Variants in DISP2 observed in about 807,000 individuals in gnomAD.
DISP2 encodes the protein dispatched RND transporter family member 2.
DISP2 carries 59 observed loss-of-function variants against 95.5 expected under a neutral mutation model. That is an observed-to-expected ratio of 0.62 (90% CI 0.50 to 0.77). The LOEUF is 0.77. Among genes scored for constraint, DISP2 ranks in the 30% least tolerant of loss-of-function variants. The pLI is 0.00. For missense variants in DISP2, 1,752 were observed against 1,854.6 expected (o/e 0.94, Z 1.02); for synonymous variants, 827 against 815.0 (o/e 1.01, Z -0.25).
At chr15:40,360,028 T>G (rs1440688922) in intron 1 of DISP2, among the ~76,000 whole-genome samples, 1 of 152,232 alleles carries the variant, frequency 6.6e-6, no homozygotes, top group Non-Finnish European at 1.5e-5. Context: ...GGGGGTATAG[T>G]TAATGCGATA....
rs751315935 is a variant in DISP2 at position 40,370,075 on chromosome 15, T to C, written c.3963T>C (p.Asp1321=). 1.2e-6 allele frequency: 2 copies of C among 1,613,672 alleles called. No homozygotes were observed. The highest frequency in any genetic ancestry group is 1.7e-6 in the Non-Finnish European group (2 of 1,179,776). Residue 1321 remains aspartate (D), a synonymous_variant, in exon 8 of 8, where the codon GAT becomes GAC. Coordinates refer to ENST00000267889, the MANE Select transcript of DISP2 (RefSeq NM_033510.3). ...DSVGVSPDDL[D]DTGQPVLERG... The stretch of plus-strand genomic sequence containing the variant: ...TGGGTGTGTCCCCAGATGACCTGGA[T>C]GACACTGGGCAGCCAGTCCTTGAGC...
chr15:40,359,922 T>A (rs780295341), intron 1 of DISP2, among the ~76,000 whole-genome samples: 2 of 152,256 alleles, frequency 1.3e-5, no homozygotes, highest in Non-Finnish European at 2.9e-5. Flanking sequence ...TAAAATTACC[T>A]TTTTATTTTC....
At position 40,363,802 on chromosome 15, in the gene DISP2, G is replaced by T. The variant is rs905527822; in HGVS notation, c.297G>T (p.Leu99=). The change falls in exon 2 of 8, where the codon CTG becomes CTT. Residue 99 remains leucine (L), a synonymous_variant. Transcript: ENST00000267889. ...CCCACTTCACCTATCCCCGGGCACT[G>T]CAGGAATACCAGGGGGGCAGTTCCC... is the stretch of plus-strand genomic sequence containing the variant. ...APAHFTYPRA[L]QEYQGGSSLP... The T allele has an allele frequency of 3.7e-6, 6 of 1,612,638 alleles. No individual in the cohort carries two copies. The African/African-American group carries it at 6.7e-5, about 18-fold the overall frequency.
rs1011121379 is a variant in DISP2, at chr15:40,373,221, T to A, written c.*2903T>A. On this transcript the variant is annotated 3_prime_UTR_variant, in exon 8 of 8. Coordinates refer to ENST00000267889, the MANE Select transcript of DISP2 (RefSeq NM_033510.3). ...CTGGAGACATGGCTTACAAGCACGC[T>A]GTGAGGCGTACAAAAATGAGTCAAA... is the stretch of plus-strand genomic sequence containing the variant. 6.6e-6 allele frequency: 1 copy of A among 152,184 alleles called. No homozygotes were observed. Among genetic ancestry groups the A allele is most frequent in the African/African-American group, 2.4e-5 (1 of 41,430 alleles). 9.4% of individuals were successfully genotyped at this position (152,184 alleles called of 1,614,324 possible). A position where few individuals can be genotyped will look rare whatever the true frequency, so the allele number is the denominator to read the frequency against.
In DISP2 at chr15:40,370,383, A is replaced by G. The variant is rs1274254599; in HGVS notation, c.*65A>G. ...CATGGATGACAAGGCAAGGGCAGCA[A>G]TAGGCTGGAGCCCGAAGGTATTTCT... On this transcript the variant is annotated 3_prime_UTR_variant, in exon 8 of 8. Coordinates refer to ENST00000267889, the MANE Select transcript of DISP2 (RefSeq NM_033510.3). 4.0e-6 allele frequency: 6 copies of G among 1,503,562 alleles called. No homozygotes were observed. In the African/African-American group the frequency reaches 5.6e-5, roughly 14 times the overall value. The allele number at this position is 1,503,562 out of a possible 1,614,324, so 93.1% of individuals were successfully genotyped here. A position where few individuals can be genotyped will look rare whatever the true frequency, so the allele number is the denominator to read the frequency against.
Position 40,375,347 on chromosome 15 carries a change from G to A in DISP2, c.*5029G>A, listed in dbSNP as rs756280320. The A allele has an allele frequency of 6.6e-5, 10 of 152,144 alleles. No homozygotes were observed. The highest frequency in any genetic ancestry group is 1.4e-4 in the African/African-American group (6 of 41,432). 9.4% of individuals were successfully genotyped at this position (152,144 alleles called of 1,614,324 possible). A position where few individuals can be genotyped will look rare whatever the true frequency, so the allele number is the denominator to read the frequency against. ...TCAAACAAACAAGAGCTTTAATATTGCTAAAGAAAATCACACAGCTGAGCA... is the reference window on the plus strand; with the variant it reads ...TCAAACAAACAAGAGCTTTAATATTACTAAAGAAAATCACACAGCTGAGCA... On this transcript the variant is annotated 3_prime_UTR_variant, in exon 8 of 8. Coordinates refer to ENST00000267889, the MANE Select transcript of DISP2 (RefSeq NM_033510.3).
In DISP2 at chr15:40,369,283, C is replaced by T; in HGVS notation, c.3171C>T (p.Arg1057=). ...TGAGCCGTGTGGCCTTCTCTCTGCG[C>T]CAGACCAGCTGCGCCACAGCCGTGG... ...DRLSRVAFSL[R]QTSCATAVGA... Residue 1057 remains arginine (R), a synonymous_variant, in exon 8 of 8, where the codon CGC becomes CGT. Transcript: ENST00000267889. 1 of 1,613,728 alleles carries T rather than the reference C, an allele frequency of 6.2e-7. No homozygotes were observed. Among genetic ancestry groups the T allele is most frequent in the Non-Finnish European group, 8.5e-7 (1 of 1,180,026 alleles).
Position 40,367,154 on chromosome 15 carries a change from TC to T in DISP2, c.1044del (p.Asn349ThrfsTer73), listed in dbSNP as rs1033379595. Reference protein sequence around the residue: ...WSLGNYLAVLSNRSSCLDTTQ... With the variant: ...WSLGNYLAVLXNRSSCLDTTQ... ...CCTGGGCAACTATCTGGCTGTGCTC[TC>T]CAACCGCTCCTCCTGCCTGGACACT... On this transcript the variant is annotated frameshift_variant, in exon 8 of 8. Transcript: ENST00000267889. LOFTEE classifies it high-confidence loss of function. The T allele has an allele frequency of 6.2e-7, 1 of 1,613,948 alleles. No individual in the cohort carries two copies. The highest frequency in any genetic ancestry group is 8.5e-7 in the Non-Finnish European group (1 of 1,179,992).
rs755998251 is a variant in DISP2, at chr15:40,365,164, C to T, written c.737C>T (p.Thr246Ile). The change falls in exon 6 of 8, where the codon ACT (threonine) becomes ATT (isoleucine). Residue 246 changes from threonine to isoleucine, a missense_variant. By Grantham distance (89) the Thr-to-Ile change is moderately conservative. Transcript: ENST00000267889. Reference protein sequence around the residue: ...LELNSSSSHNTLRPAPRGSAQ... With the variant: ...LELNSSSSHNILRPAPRGSAQ... ...CACTTCAGCTCGAGCTCCCACAACA[C>T]TCTGAGGCCTGCACCCAGAGGCAGT... 6.2e-7 allele frequency: 1 copy of T among 1,614,114 alleles called. No homozygotes were observed. The highest frequency in any genetic ancestry group is 1.1e-5 in the South Asian group (1 of 91,088).
Position 40,375,450 on chromosome 15 carries a change from T to A in DISP2, c.*5132T>A, listed in dbSNP as rs888833071. 2.0e-5 allele frequency: 3 copies of A among 152,030 alleles called. No individual in the cohort carries two copies. The highest frequency in any genetic ancestry group is 7.3e-5 in the African/African-American group (3 of 41,350). The allele number at this position is 152,030 out of a possible 1,614,324, so 9.4% of individuals were successfully genotyped here. A position where few individuals can be genotyped will look rare whatever the true frequency, so the allele number is the denominator to read the frequency against. On this transcript the variant is annotated 3_prime_UTR_variant, in exon 8 of 8. Transcript: ENST00000267889. ...CTGCCTAGCTAGTATTCATTCTAGC[T>A]ACTAGTTTTGATTATTTGTATTGAC...
rs1233402831 is a variant in DISP2, at chr15:40,365,140, A to C, written c.720-7A>C. The C allele has an allele frequency of 1.9e-6, 3 of 1,612,888 alleles. No homozygotes were observed. The highest frequency in any genetic ancestry group is 1.7e-5 in the Admixed American group (1 of 59,810). On this transcript the variant is annotated splice_region_variant and splice_polypyrimidine_tract_variant and intron_variant, in intron 5 of 7. Coordinates refer to ENST00000267889, the MANE Select transcript of DISP2 (RefSeq NM_033510.3). The stretch of plus-strand genomic sequence containing the variant: ...GGTGCCTGGCATAGATATTCTCTCC[A>C]CTTCAGCTCGAGCTCCCACAACACT...
intron 1 of DISP2, among the ~76,000 whole-genome samples, chr15:40,360,525 T>C (rs139367026): frequency 1.2e-3 from 188 of 151,994 alleles, no homozygotes; most frequent in Middle Eastern, 0.01. Flanking sequence ...TGAAGAGGAA[T>C]AGTAGGAGTT....
At position 40,367,935 on chromosome 15, in the gene DISP2, A is replaced by G; in HGVS notation, c.1823A>G (p.Tyr608Cys). 2 of 1,589,726 alleles carry G rather than the reference A, an allele frequency of 1.3e-6. No individual in the cohort carries two copies. The highest frequency in any genetic ancestry group is 1.7e-6 in the Non-Finnish European group (2 of 1,175,984). The change falls in exon 8 of 8, where the codon TAC (tyrosine) becomes TGC (cysteine). Residue 608 changes from tyrosine to cysteine, a missense_variant. Coordinates refer to ENST00000267889, the MANE Select transcript of DISP2 (RefSeq NM_033510.3). ...ACGAGCGCGGCCTTCTATGCCAGCT[A>G]CCTGAGCCGCCTGCCGGCCGTTCGC... The part of the protein sequence containing the change: ...LTTSAAFYAS[Y>C]LSRLPAVRCL...
rs1889536079 is a variant in DISP2, at chr15:40,367,947, T to TGCCG, written c.1840_1843dup (p.Val615GlyfsTer178). On this transcript the variant is annotated frameshift_variant, in exon 8 of 8. Transcript: ENST00000267889. LOFTEE classifies it high-confidence loss of function. ...TTCTATGCCAGCTACCTGAGCCGCC[T>TGCCG]GCCGGCCGTTCGCTGCCTCGCCCTC... 1 of 1,584,138 alleles carries TGCCG rather than the reference T, an allele frequency of 6.3e-7. No individual in the cohort carries two copies.
chr15:40,370,208 C>A lies in DISP2; in HGVS notation c.4096C>A (p.Arg1366=), dbSNP rs780263622. Reference sequence around the variant, plus strand: ...TCACAGCAGCTTGTCCTGGAAGGGCCGAGGGGGGCCAGGGGATGGCAGCCC... The same window carrying A: ...TCACAGCAGCTTGTCCTGGAAGGGCAGAGGGGGGCCAGGGGATGGCAGCCC... The part of the protein sequence containing the change: ...SHHSSLSWKG[R]GGPGDGSPVV... Residue 1366 remains arginine (R), a synonymous_variant, in exon 8 of 8, where the codon CGA becomes AGA. Coordinates refer to ENST00000267889, the MANE Select transcript of DISP2 (RefSeq NM_033510.3). 1 of 1,610,718 alleles carries A rather than the reference C, an allele frequency of 6.2e-7. No homozygotes were observed.
At position 40,368,074 on chromosome 15, in the gene DISP2, C is replaced by G. The variant is rs1345561471; in HGVS notation, c.1962C>G (p.Arg654=). Residue 654 remains arginine (R), a synonymous_variant, in exon 8 of 8, where the codon CGC becomes CGG. Transcript: ENST00000267889. The part of the protein sequence containing the change: ...HERYLARGCA[R]RARGRWEGSA... ...GCTACCTGGCGCGCGGCTGTGCGCG[C>G]CGGGCGCGGGGCCGGTGGGAGGGCA... The G allele has an allele frequency of 4.9e-6, 7 of 1,435,382 alleles. No homozygotes were observed. Among genetic ancestry groups the G allele is most frequent in the Non-Finnish European group, 6.3e-6 (7 of 1,102,810 alleles). The allele number at this position is 1,435,382 out of a possible 1,614,324, so 88.9% of individuals were successfully genotyped here.
rs928889239 is a variant in DISP2 at position 40,368,400 on chromosome 15, C to T, written c.2288C>T (p.Pro763Leu). Residue 763 changes from proline to leucine, a missense_variant, in exon 8 of 8, where the codon CCG becomes CTG. Pro to Leu is a moderately conservative substitution (Grantham distance 98). Transcript: ENST00000267889. ...CAGCTGTTCCTGTTCGAGCAGCTGC[C>T]GCAGGGCGAGGGCGGCCACATGCCC... is the stretch of plus-strand genomic sequence containing the variant. ...YRQLFLFEQL[P>L]QGEGGHMPVV... is the part of the protein sequence containing the mutation. 8.1e-6 allele frequency: 13 copies of T among 1,608,308 alleles called. No individual in the cohort carries two copies. Among genetic ancestry groups the T allele is most frequent in the African/African-American group, 1.3e-5 (1 of 74,924 alleles).
intron 1 of DISP2, among the ~76,000 whole-genome samples, chr15:40,359,145 C>T (rs1214290997): frequency 7.9e-5 from 12 of 152,214 alleles, no homozygotes; most frequent in South Asian, 4.1e-4. Flanking sequence ...CTTCCTCCAC[C>T]ATATGTGTGA....
chr15:40,370,415 C>A lies in DISP2; in HGVS notation c.*97C>A. ...GGAGCCCGAAGGTATTTCTCCAGATCCACAGGGAGAGGTCTCACCCTCCAG... is the reference window on the plus strand; with the variant it reads ...GGAGCCCGAAGGTATTTCTCCAGATACACAGGGAGAGGTCTCACCCTCCAG... On this transcript the variant is annotated 3_prime_UTR_variant, in exon 8 of 8. Coordinates refer to ENST00000267889, the MANE Select transcript of DISP2 (RefSeq NM_033510.3). 6.7e-7 allele frequency: 1 copy of A among 1,483,760 alleles called. No homozygotes were observed. The highest frequency in any genetic ancestry group is 1.4e-5 in the African/African-American group (1 of 71,492). 91.9% of individuals were successfully genotyped at this position (1,483,760 alleles called of 1,614,324 possible).
Sources: gnomAD v4.1 joint callset for allele counts (sites outside exome capture counted in the v4.1 genomes callset) on GRCh38, gnomAD v4.1.1 for gene constraint, MANE v1.5 for transcripts, NCBI Gene and HGNC (gene_info 2026-07-23, HGNC 2026-07-21) for gene names.